SCAPER: variants seen among roughly 807,000 people sequenced by gnomAD.
The protein encoded by SCAPER is S-phase cyclin A associated protein in the ER.
SCAPER carries 98 observed loss-of-function variants against 182.2 expected under a neutral mutation model. The observed-to-expected ratio is 0.54, with a 90% CI of 0.46 to 0.64. SCAPER has a LOEUF of 0.64. SCAPER is among the 30% of genes least tolerant of loss of function. SCAPER has a pLI of 0.00. For missense variants in SCAPER, 1,432 were observed against 1,690.0 expected, an observed-to-expected ratio of 0.85 and a Z score of 2.68; for synonymous variants, 605 against 564.6, an observed-to-expected ratio of 1.07 and a Z score of -1.01.
intron 26 of SCAPER, among the ~76,000 whole-genome samples, chr15:76,412,868 G>A (rs904993149): frequency 6.6e-6 from 1 of 151,706 alleles, no homozygotes; most frequent in Non-Finnish European, 1.5e-5. Context: ...TCTGATCCAT[G>A]GATATTATAT....
intron 20 of SCAPER, among the ~76,000 whole-genome samples, chr15:76,669,032 C>T (rs1056201466): frequency 6.6e-6 from 1 of 152,116 alleles, no homozygotes; most frequent in South Asian, 2.1e-4. Flanking sequence ...AGTTAGAAGG[C>T]CAAAACCATG....
At chr15:76,487,563 T>C (rs1475681958) in intron 24 of SCAPER, among the ~76,000 whole-genome samples, 3 of 152,096 alleles carry the variant, frequency 2.0e-5, no homozygotes, top group African/African-American at 7.2e-5. Context: ...TCATCAACTG[T>C]AAAAATATAC....
chr15:76,743,990 C>G (rs1431123700), intron 15 of SCAPER, among the ~76,000 whole-genome samples: 1 of 152,122 alleles, frequency 6.6e-6, no homozygotes, highest in Non-Finnish European at 1.5e-5. Flanking sequence ...AGCTGCACAT[C>G]TACAACCATC....
At chr15:76,660,815 T>G (rs2056090114) in intron 21 of SCAPER, among the ~76,000 whole-genome samples, 1 of 151,914 alleles carries the variant, frequency 6.6e-6, no homozygotes, top group African/African-American at 2.4e-5. Flanking sequence ...TCATGTACAT[T>G]AAAAATCTTA....
intron 23 of SCAPER, among the ~76,000 whole-genome samples, chr15:76,530,228 G>T (rs2043540399): frequency 6.6e-6 from 1 of 152,128 alleles, no homozygotes; most frequent in Admixed American, 6.5e-5. Flanking sequence ...TCCCTCCAAA[G>T]TATTAATAAC....
At chr15:76,630,239 C>CA (rs2052978580) in intron 21 of SCAPER, among the ~76,000 whole-genome samples, 1 of 151,638 alleles carries the variant, frequency 6.6e-6, no homozygotes, top group Non-Finnish European at 1.5e-5. Context: ...TCCATTTTTT[C>CA]AAAAAACCAG....
At position 76,390,193 on chromosome 15, in the gene SCAPER, T is replaced by C. The variant is rs111828997; in HGVS notation, c.3468-8578A>G. Among the ~76,000 whole-genome samples the C allele has an allele frequency of 2.3e-3, 353 of 152,314 alleles. 4 individuals are homozygous for C. The highest frequency in any genetic ancestry group is 7.8e-3 in the African/African-American group (325 of 41,564). Reference sequence around the variant, plus strand: ...GTGGTCTCAAACTCCTAGCCTCAAGTGATCCTCCTACCTCACCTCTCAAAG... The same window carrying C: ...GTGGTCTCAAACTCCTAGCCTCAAGCGATCCTCCTACCTCACCTCTCAAAG... On this transcript the variant is annotated intron_variant, in intron 27 of 31. Transcript: ENST00000563290.
At chr15:76,808,831 A>G (rs541546955) in intron 5 of SCAPER, among the ~76,000 whole-genome samples, 13 of 152,236 alleles carry the variant, frequency 8.5e-5, no homozygotes, top group Non-Finnish European at 1.8e-4. Flanking sequence ...ATGGGTCAAA[A>G]GACTGTGCAG....
At chr15:76,887,396 T>A (rs956253465) in intron 1 of SCAPER, among the ~76,000 whole-genome samples, 44 of 152,176 alleles carry the variant, frequency 2.9e-4, no homozygotes, top group African/African-American at 9.9e-4. Flanking sequence ...TTCTCATTCC[T>A]AGCCAAGGGA....
At chr15:76,649,172 G>C (rs1422816013) in intron 21 of SCAPER, among the ~76,000 whole-genome samples, 1 of 152,124 alleles carries the variant, frequency 6.6e-6, no homozygotes, top group East Asian at 1.9e-4. Flanking sequence ...CACTCCTTGT[G>C]TGTGTCCATG....
At chr15:76,805,555 CTTTTT>C (rs59845788) in intron 5 of SCAPER, among the ~76,000 whole-genome samples, 4 of 85,870 alleles carry the variant, frequency 4.7e-5, no homozygotes, top group Admixed American at 1.4e-4. Flanking sequence ...ATTTGTTTAC[CTTTTT>C]TTTTTTTTTT....
intron 2 of SCAPER, among the ~76,000 whole-genome samples, chr15:76,866,971 T>C (rs1408907109): frequency 1.3e-5 from 2 of 152,152 alleles, no homozygotes; most frequent in African/African-American, 4.8e-5. Flanking sequence ...ATGTTTCAAC[T>C]AAAAGTATAA....
At chr15:76,522,060 T>C (rs890335419) in intron 23 of SCAPER, among the ~76,000 whole-genome samples, 1 of 152,198 alleles carries the variant, frequency 6.6e-6, no homozygotes, top group Non-Finnish European at 1.5e-5. Flanking sequence ...AAATTACACA[T>C]AAAAAATCAT....
At chr15:76,827,966 GA>G (rs2068146577) in intron 5 of SCAPER, among the ~76,000 whole-genome samples, 1 of 152,118 alleles carries the variant, frequency 6.6e-6, no homozygotes, top group Non-Finnish European at 1.5e-5. Flanking sequence ...ATTGGGCCAT[GA>G]GGGCTCTGCT....
chr15:76,683,442 G>A (rs1414313954), intron 20 of SCAPER, among the ~76,000 whole-genome samples: 1 of 152,060 alleles, frequency 6.6e-6, no homozygotes, highest in South Asian at 2.1e-4. Flanking sequence ...TGGCATCCCT[G>A]AAAGACAAGG....
At chr15:76,435,885 C>T (rs1274537160) in intron 25 of SCAPER, among the ~76,000 whole-genome samples, 1 of 152,136 alleles carries the variant, frequency 6.6e-6, no homozygotes, top group Non-Finnish European at 1.5e-5. Flanking sequence ...TTTGAAACTC[C>T]AGAAACTTAG....
chr15:76,693,010 G>C (rs559073867), intron 20 of SCAPER, among the ~76,000 whole-genome samples: 75 of 152,148 alleles, frequency 4.9e-4, no homozygotes, highest in African/African-American at 1.7e-3. Flanking sequence ...CCGATTGAGA[G>C]GGTTACAAAT....
intron 17 of SCAPER, among the ~76,000 whole-genome samples, chr15:76,706,432 A>T (rs999544277): frequency 2.0e-5 from 3 of 152,204 alleles, no homozygotes; most frequent in Non-Finnish European, 4.4e-5. Flanking sequence ...TTCAGAAGGA[A>T]ACTAATAAGC....
rs886789796 is a variant in SCAPER, at chr15:76,900,391, CA to C, written c.-60+4907del. Among the ~76,000 whole-genome samples the C allele has an allele frequency of 1.8e-3, 235 of 127,728 alleles. 2 individuals carry two copies. The highest frequency in any genetic ancestry group is 5.8e-3 in the African/African-American group (199 of 34,132). The allele number at this position is 127,728 out of a possible 152,430, so 83.8% of individuals were successfully genotyped here. The stretch of plus-strand genomic sequence containing the variant: ...AAATAAATAAATACATACATACATA[CA>C]AAAAAAAATATGGATATGGCAAAAT... On this transcript the variant is annotated intron_variant, in intron 1 of 31. Transcript: ENST00000563290.
Sources: allele counts gnomAD v4.1 joint callset (sites outside exome capture counted in the v4.1 genomes callset), GRCh38; gene constraint gnomAD v4.1.1; transcripts MANE v1.5; gene names NCBI Gene and HGNC (gene_info 2026-07-23, HGNC 2026-07-21).